CTNND2: variants seen among roughly 807,000 people sequenced by gnomAD.
The protein encoded by CTNND2 is catenin delta-2.
In CTNND2, 22 loss-of-function variants were observed where a neutral mutation model predicts 144.4. The ratio of observed to expected loss-of-function variants is 0.15; its 90% confidence interval spans 0.11 to 0.22. CTNND2 has a LOEUF of 0.22. Among genes scored for constraint, CTNND2 ranks in the 10% least tolerant of loss-of-function variants. The pLI is 1.00. For synonymous variants in CTNND2, 751 were observed against 695.6 expected (o/e 1.08, Z -1.25); for missense variants, 1,353 against 1,618.8 (o/e 0.84, Z 2.82).
chr5:11,608,665 A>C (rs1780177107), intron 2 of CTNND2, among the ~76,000 whole-genome samples: 1 of 151,958 alleles, frequency 6.6e-6, no homozygotes, highest in African/African-American at 2.4e-5. Flanking sequence ...CTCTATTCTA[A>C]ATTTCTGCAA....
intron 3 of CTNND2, among the ~76,000 whole-genome samples, chr5:11,509,604 A>G (rs1200077259): frequency 1.3e-5 from 2 of 152,234 alleles, no homozygotes; most frequent in Non-Finnish European, 2.9e-5. Context: ...AGAGACCACA[A>G]AGTAAAACAA....
chr5:11,024,172 T>C (rs1742575719), intron 16 of CTNND2, among the ~76,000 whole-genome samples: 1 of 152,242 alleles, frequency 6.6e-6, no homozygotes, highest in South Asian at 2.1e-4. Flanking sequence ...GATATCTTAA[T>C]TCCAGGCAGT....
At chr5:10,994,364 AAGGAGGAAGGGG>A (rs1739079594) in intron 18 of CTNND2, among the ~76,000 whole-genome samples, 1 of 28,910 alleles carries the variant, frequency 3.5e-5, no homozygotes, top group Non-Finnish European at 6.8e-5. Flanking sequence ...GGGGGCGGGG[AAGGAGGAAGGGG>A]CCGGGGAAAG....
At chr5:11,888,428 G>A (rs573086978) in intron 1 of CTNND2, among the ~76,000 whole-genome samples, 22 of 152,232 alleles carry the variant, frequency 1.4e-4, no homozygotes, top group Admixed American at 4.6e-4. Flanking sequence ...TTCCAGCCTT[G>A]CCAACCTTAA....
chr5:10,996,072 C>T (rs1313163160), intron 18 of CTNND2, among the ~76,000 whole-genome samples: 10 of 151,812 alleles, frequency 6.6e-5, no homozygotes, highest in East Asian at 1.9e-4. Context: ...GCCGGGGTGC[C>T]GGACAGGGCT....
intron 2 of CTNND2, among the ~76,000 whole-genome samples, chr5:11,625,389 A>ATCTCTCTCTCTCTCTCTCTCTCTCTCTC (rs57148533): frequency 7.1e-6 from 1 of 140,394 alleles, no homozygotes; most frequent in African/African-American, 2.6e-5. Context: ...AAACAGAAAA[A>ATCTCTCTCTCTCTCTCTCTCTCTCTCTC]TCTCTCTCTC....
At chr5:11,373,523 C>T (rs775712207) in intron 7 of CTNND2, among the ~76,000 whole-genome samples, 1 of 152,186 alleles carries the variant, frequency 6.6e-6, no homozygotes. Flanking sequence ...GGCTTCTCAA[C>T]CCTGAAAGAA....
intron 2 of CTNND2, among the ~76,000 whole-genome samples, chr5:11,645,819 G>T (rs1233208218): frequency 6.6e-6 from 1 of 151,982 alleles, no homozygotes. Flanking sequence ...CACATTACCT[G>T]TGAAAAAGTA....
intron 2 of CTNND2, among the ~76,000 whole-genome samples, chr5:11,723,573 G>T (rs73743035): frequency 1.3e-5 from 2 of 152,072 alleles, no homozygotes; most frequent in African/African-American, 4.8e-5. Context: ...ATTAAGCAAC[G>T]CATTTACTTT....
At position 11,302,687 on chromosome 5, in the gene CTNND2, C is replaced by A. The variant is rs191695099; in HGVS notation, c.1628+43685G>T. Among the ~76,000 whole-genome samples the A allele has an allele frequency of 1.8e-3, 279 of 152,294 alleles. 1 individual carries two copies. The highest frequency in any genetic ancestry group is 3.0e-3 in the Non-Finnish European group (204 of 68,026). On this transcript the variant is annotated intron_variant, in intron 9 of 21. Coordinates refer to ENST00000304623, the MANE Select transcript of CTNND2 (RefSeq NM_001332.4). Reference sequence around the variant, plus strand: ...GAGAAGAAACCATGCTGAGGAGTCACAGGACAATTTCAAGATGTGACCATG... The same window carrying A: ...GAGAAGAAACCATGCTGAGGAGTCAAAGGACAATTTCAAGATGTGACCATG...
rs1055924568 is a variant in CTNND2, at chr5:11,260,024, T to A, written c.1629-23201A>T. 1.1e-4 allele frequency among the ~76,000 whole-genome samples: 16 copies of A among 152,358 alleles called. 1 individual carries two copies. Among genetic ancestry groups the A allele is most frequent in the Admixed American group, 5.9e-4 (9 of 15,306 alleles). On this transcript the variant is annotated intron_variant, in intron 9 of 21. Transcript: ENST00000304623. ...TTCCAACTCATTTATGACTTTCCTA[T>A]GCAGCTCTGCATATGGTGAGTGAAA... is the stretch of plus-strand genomic sequence containing the variant.
intron 3 of CTNND2, among the ~76,000 whole-genome samples, chr5:11,461,169 T>A (rs1486152071): frequency 6.6e-6 from 1 of 152,150 alleles, no homozygotes; most frequent in African/African-American, 2.4e-5. Flanking sequence ...TTTGTTTTTT[T>A]TTAAACTGGT....
chr5:11,439,754 A>G (rs1764086712), intron 3 of CTNND2, among the ~76,000 whole-genome samples: 1 of 120,320 alleles, frequency 8.3e-6, no homozygotes, highest in African/African-American at 2.7e-5. Context: ...CTATCTATCT[A>G]TCTATCTATC....
intron 9 of CTNND2, among the ~76,000 whole-genome samples, chr5:11,324,700 C>T (rs540144810): frequency 2.0e-5 from 3 of 152,264 alleles, no homozygotes; most frequent in South Asian, 4.1e-4. Context: ...TCTTCTCAGC[C>T]GAGGGCAGCC....
intron 8 of CTNND2, among the ~76,000 whole-genome samples, chr5:11,351,440 C>T (rs1471620528): frequency 2.0e-5 from 3 of 152,162 alleles, no homozygotes; most frequent in African/African-American, 2.4e-5. Flanking sequence ...TCAATAGATA[C>T]CTACGCTTTC....
At chr5:11,580,255 T>G (rs556014997) in intron 2 of CTNND2, among the ~76,000 whole-genome samples, 95 of 152,298 alleles carry the variant, frequency 6.2e-4, no homozygotes, top group African/African-American at 2.1e-3. Context: ...AATAGAGAGA[T>G]AGACTACCCA....
chr5:11,491,135 T>C (rs1360094019), intron 3 of CTNND2, among the ~76,000 whole-genome samples: 1 of 152,178 alleles, frequency 6.6e-6, no homozygotes, highest in African/African-American at 2.4e-5. Flanking sequence ...TTTTAGAAAG[T>C]CTGAAGCTTT....
intron 3 of CTNND2, among the ~76,000 whole-genome samples, chr5:11,436,733 GACAGTTTTAAAATGAC>G (rs1385493968): frequency 6.6e-6 from 1 of 152,144 alleles, no homozygotes; most frequent in Non-Finnish European, 1.5e-5. Context: ...GATATTTGCT[GACAGTTTTAAAATGAC>G]ACAAATGGCA....
chr5:11,662,216 CATATATGT>C (rs915623464), intron 2 of CTNND2, among the ~76,000 whole-genome samples: 7 of 89,420 alleles, frequency 7.8e-5, no homozygotes, highest in Middle Eastern at 5.7e-3. Context: ...TATATATATA[CATATATGT>C]GTATATATGT....
Sources: gnomAD v4.1 joint callset for allele counts (sites outside exome capture counted in the v4.1 genomes callset) on GRCh38, gnomAD v4.1.1 for gene constraint, MANE v1.5 for transcripts, NCBI Gene and HGNC (gene_info 2026-07-23, HGNC 2026-07-21) for gene names.